KIAA1671: variants seen among roughly 807,000 people sequenced by gnomAD.
KIAA1671 encodes KIAA1671, also known as uncharacterized protein KIAA1671.
In KIAA1671, 52 loss-of-function variants were observed where a neutral mutation model predicts 131.2. That is an observed-to-expected ratio of 0.40 (90% CI 0.32 to 0.50). The LOEUF is 0.50. KIAA1671 is among the 20% of genes least tolerant of loss of function. KIAA1671 has a pLI of 0.73. For missense variants in KIAA1671, 2,360 were observed against 2,364.2 expected, an observed-to-expected ratio of 1.00 and a Z score of 0.04; for synonymous variants, 1,003 against 961.6, an observed-to-expected ratio of 1.04 and a Z score of -0.80.
At chr22:24,984,187 A>ACT (rs1923389509) in intron 1 of KIAA1671, among the ~76,000 whole-genome samples, 1 of 152,170 alleles carries the variant, frequency 6.6e-6, no homozygotes, top group Non-Finnish European at 1.5e-5. Context: ...CATGACAGTG[A>ACT]CTGAGGGTAC....
chr22:25,025,512 A>G (rs1474550649), intron 1 of KIAA1671, 121 bp from the exon 2 acceptor site: 1 of 152,230 alleles, frequency 6.6e-6, no homozygotes, highest in Admixed American at 6.5e-5. Context: ...CAAAAGGAGC[A>G]TACGTTTTAC....
At chr22:24,970,049 T>G (rs539096519) in intron 1 of KIAA1671, among the ~76,000 whole-genome samples, 1 of 152,266 alleles carries the variant, frequency 6.6e-6, no homozygotes, top group East Asian at 1.9e-4. Context: ...GGGCAAACTC[T>G]CAAACCAGTC....
intron 6 of KIAA1671, among the ~76,000 whole-genome samples, chr22:25,074,987 TAC>T (rs1568941757): frequency 6.6e-6 from 1 of 152,210 alleles, no homozygotes; most frequent in African/African-American, 2.4e-5. Flanking sequence ...TGAGAAAAGT[TAC>T]AAAGATAGTA....
At chr22:25,078,462 G>C (rs1490956714) in intron 6 of KIAA1671, among the ~76,000 whole-genome samples, 4 of 152,186 alleles carry the variant, frequency 2.6e-5, no homozygotes, top group Non-Finnish European at 5.9e-5. Flanking sequence ...CCAAGAGTTC[G>C]AGGCTGCAGT....
chr22:25,068,645 C>A (rs1928628696), intron 6 of KIAA1671, among the ~76,000 whole-genome samples: 1 of 152,202 alleles, frequency 6.6e-6, no homozygotes, highest in Non-Finnish European at 1.5e-5. Flanking sequence ...ACCGTGTTAG[C>A]CAGGATGGTC....
At chr22:25,186,452 A>C (rs987865062) in intron 11 of KIAA1671, 3 of 152,274 alleles carry the variant, frequency 2.0e-5, no homozygotes, top group African/African-American at 7.2e-5. Flanking sequence ...AATAAAGAAA[A>C]AAAATTAGCT....
At chr22:25,030,596 A>C (rs1299647173) in intron 3 of KIAA1671, among the ~76,000 whole-genome samples, 2 of 152,220 alleles carry the variant, frequency 1.3e-5, no homozygotes, top group Non-Finnish European at 2.9e-5. Flanking sequence ...GTTAATACTG[A>C]TGTTCTAAGT....
At chr22:25,086,345 T>C (rs1929719779) in intron 6 of KIAA1671, among the ~76,000 whole-genome samples, 1 of 152,216 alleles carries the variant, frequency 6.6e-6, no homozygotes, top group South Asian at 2.1e-4. Context: ...GGTAGGGACA[T>C]GTCTTGCTCA....
intron 6 of KIAA1671, among the ~76,000 whole-genome samples, chr22:25,085,026 G>A (rs1929630793): frequency 3.3e-5 from 5 of 152,232 alleles, no homozygotes; most frequent in Admixed American, 3.3e-4. Context: ...CGTCACTTCT[G>A]TTCTCTGCTG....
At chr22:25,103,744 G>C (rs192212452) in intron 6 of KIAA1671, among the ~76,000 whole-genome samples, 1 of 152,090 alleles carries the variant, frequency 6.6e-6, no homozygotes, top group East Asian at 1.9e-4. Flanking sequence ...CGCCCATCGC[G>C]GTCTCCCAAA....
chr22:25,186,401 G>A (rs1172851984), intron 11 of KIAA1671: 1 of 152,022 alleles, frequency 6.6e-6, no homozygotes, highest in Non-Finnish European at 1.5e-5. Context: ...ACTCCAGCCT[G>A]GACTAAAGAA....
chr22:25,063,241 A>G (rs1378976443), intron 6 of KIAA1671: 2 of 152,184 alleles, frequency 1.3e-5, no homozygotes, highest in Admixed American at 6.5e-5. Flanking sequence ...TTTTTCTTAT[A>G]GAGGAGTGTT....
intron 6 of KIAA1671, among the ~76,000 whole-genome samples, chr22:25,078,713 G>A (rs1929240643): frequency 6.6e-6 from 1 of 152,124 alleles, no homozygotes; most frequent in African/African-American, 2.4e-5. Flanking sequence ...TTGTGCCAAG[G>A]GTCTGGTTTG....
chr22:25,171,774 A>G (rs556775027), intron 7 of KIAA1671, among the ~76,000 whole-genome samples: 4 of 152,108 alleles, frequency 2.6e-5, no homozygotes, highest in Non-Finnish European at 5.9e-5. Context: ...ATAGGCAAAT[A>G]CCATAGAGAC....
chr22:25,055,193 G>A (rs1602102605), intron 6 of KIAA1671: 1 of 149,852 alleles, frequency 6.7e-6, no homozygotes, highest in South Asian at 2.3e-4. Context: ...GGAAAAAGGA[G>A]GGGAGGAACA....
At chr22:25,088,797 C>G (rs1279837393) in intron 6 of KIAA1671, among the ~76,000 whole-genome samples, 2 of 152,176 alleles carry the variant, frequency 1.3e-5, no homozygotes, top group Admixed American at 1.3e-4. Context: ...TCATGTGTCT[C>G]CTTTTGAAAA....
At chr22:25,145,371 ACC>A (rs1264151408) in intron 6 of KIAA1671, among the ~76,000 whole-genome samples, 1 of 152,154 alleles carries the variant, frequency 6.6e-6, no homozygotes, top group East Asian at 1.9e-4. Flanking sequence ...CCCTCAGAGG[ACC>A]TGCCTGTGGG....
chr22:25,133,153 T>C (rs75446803), intron 6 of KIAA1671, among the ~76,000 whole-genome samples: 2,659 of 152,252 alleles, frequency 0.017, 34 homozygotes, highest in Middle Eastern at 0.058. Flanking sequence ...CCTTTTATTA[T>C]GCAAATATAC....
intron 1 of KIAA1671, among the ~76,000 whole-genome samples, chr22:24,977,361 G>A (rs1045336924): frequency 1.3e-5 from 2 of 152,204 alleles, no homozygotes; most frequent in African/African-American, 4.8e-5. Context: ...CTGTTACCAT[G>A]CGCTGTTGTC....
Sources: gnomAD v4.1 joint callset for allele counts (sites outside exome capture counted in the v4.1 genomes callset) on GRCh38, gnomAD v4.1.1 for gene constraint, MANE v1.5 for transcripts, NCBI Gene and HGNC (gene_info 2026-07-23, HGNC 2026-07-21) for gene names.